Variants in ERC2 observed in about 807,000 individuals in gnomAD.
ERC2 encodes ERC protein 2.
A neutral mutation model predicts 114.8 loss-of-function variants in ERC2; 42 were observed. The observed-to-expected ratio is 0.37, with a 90% CI of 0.29 to 0.47. The LOEUF (loss-of-function observed/expected upper bound fraction) is 0.47, where lower values mean the gene tolerates loss of function less well. Among genes scored for constraint, ERC2 ranks in the 20% least tolerant of loss-of-function variants. ERC2 has a pLI of 0.99. For synonymous variants in ERC2, 454 were observed against 425.5 expected, an observed-to-expected ratio of 1.07 and a Z score of -0.82; for missense variants, 939 against 1,150.7, an observed-to-expected ratio of 0.82 and a Z score of 2.66.
chr3:55,814,308 G>A (rs923175474), intron 14 of ERC2, among the ~76,000 whole-genome samples: 4 of 152,024 alleles, frequency 2.6e-5, no homozygotes, highest in Admixed American at 6.6e-5. Context: ...AATCCTATAC[G>A]ATACACAAAG....
At chr3:55,984,769 A>G (rs572681247) in intron 12 of ERC2, among the ~76,000 whole-genome samples, 1 of 152,292 alleles carries the variant, frequency 6.6e-6, no homozygotes, top group Non-Finnish European at 1.5e-5. Flanking sequence ...CTGCACCGCG[A>G]TGAAGTTCAG....
intron 11 of ERC2, 48 bp downstream of exon 11, chr3:55,992,009 A>G (rs781590851): frequency 1.9e-6 from 3 of 1,553,758 alleles, no homozygotes; most frequent in Non-Finnish European, 1.8e-6. Flanking sequence ...GCAACCACGC[A>G]GTCCATGTTC....
intron 17 of ERC2, among the ~76,000 whole-genome samples, chr3:55,639,789 C>T (rs751337456): frequency 3.9e-5 from 6 of 152,136 alleles, no homozygotes; most frequent in East Asian, 3.9e-4. Context: ...TGTGGGCACA[C>T]GCACATGTGC....
chr3:55,979,796 A>G (rs1037411768), intron 12 of ERC2, among the ~76,000 whole-genome samples: 1 of 151,882 alleles, frequency 6.6e-6, no homozygotes, highest in African/African-American at 2.4e-5. Flanking sequence ...AAAAAATTCA[A>G]TTAGCTGTGC....
chr3:56,136,446 T>C (rs1481059188), intron 6 of ERC2, among the ~76,000 whole-genome samples: 1 of 152,112 alleles, frequency 6.6e-6, no homozygotes, highest in Non-Finnish European at 1.5e-5. Context: ...CCTTTTATTT[T>C]AGGTTCACGG....
chr3:56,208,009 G>T (rs552314536), intron 3 of ERC2, among the ~76,000 whole-genome samples: 1 of 152,170 alleles, frequency 6.6e-6, no homozygotes, highest in African/African-American at 2.4e-5. Context: ...TGTGTTAAGC[G>T]TAAACTGCTT....
At chr3:55,827,337 AGG>A (rs1319981485) in intron 14 of ERC2, among the ~76,000 whole-genome samples, 1 of 151,922 alleles carries the variant, frequency 6.6e-6, no homozygotes, top group Non-Finnish European at 1.5e-5. Context: ...AAAAAGAAAG[AGG>A]GACGGAGGAG....
chr3:56,121,393 A>G (rs7625422), intron 6 of ERC2, among the ~76,000 whole-genome samples: 26,881 of 152,196 alleles, frequency 0.18, 2,939 homozygotes, highest in African/African-American at 0.3. Flanking sequence ...ACACTCCTGG[A>G]TTTTCAGCAA....
At chr3:56,346,930 T>C (rs567785198) in intron 2 of ERC2, among the ~76,000 whole-genome samples, 9 of 152,264 alleles carry the variant, frequency 5.9e-5, no homozygotes, top group South Asian at 2.1e-4. Flanking sequence ...CATTAATCCA[T>C]TCATAAGGGA....
At chr3:55,721,152 G>C (rs1325316624) in intron 15 of ERC2, among the ~76,000 whole-genome samples, 1 of 152,218 alleles carries the variant, frequency 6.6e-6, no homozygotes, top group Admixed American at 6.5e-5. Flanking sequence ...AATGGGCAGA[G>C]TGCTGCCTTT....
At chr3:56,332,696 C>T (rs548068571) in intron 2 of ERC2, among the ~76,000 whole-genome samples, 5 of 152,330 alleles carry the variant, frequency 3.3e-5, no homozygotes, top group African/African-American at 1.2e-4. Context: ...ATGAGCGAAT[C>T]TGTTTAGGTT....
chr3:56,042,194 T>C (rs1306341791), intron 7 of ERC2, among the ~76,000 whole-genome samples: 1 of 152,182 alleles, frequency 6.6e-6, no homozygotes, highest in Non-Finnish European at 1.5e-5. Context: ...AGAACTAGTT[T>C]CTAACTGGGG....
At chr3:55,975,441 C>A (rs936036478) in intron 12 of ERC2, among the ~76,000 whole-genome samples, 33 of 151,850 alleles carry the variant, frequency 2.2e-4, no homozygotes, top group African/African-American at 8.0e-4. Context: ...TTATTTGTTT[C>A]TTCTGTCTTG....
intron 4 of ERC2, among the ~76,000 whole-genome samples, chr3:56,170,071 A>G (rs2082551676): frequency 6.6e-6 from 1 of 152,250 alleles, no homozygotes; most frequent in Admixed American, 6.5e-5. Context: ...CAATATCTAC[A>G]AGAAACTAAT....
chr3:55,511,306 G>A (rs1278504234), intron 17 of ERC2, 30 bp from the exon 18 acceptor site: 1 of 152,564 alleles, frequency 6.6e-6, no homozygotes, highest in Non-Finnish European at 1.5e-5. Flanking sequence ...AATTTAGCAG[G>A]GGAAGAAACT....
At chr3:55,895,688 C>T (rs1030380126) in intron 13 of ERC2, among the ~76,000 whole-genome samples, 29 of 152,168 alleles carry the variant, frequency 1.9e-4, no homozygotes, top group Admixed American at 9.8e-4. Flanking sequence ...CACCAGTATC[C>T]ACACTCAATA....
chr3:55,909,945 T>A (rs1204611676), intron 13 of ERC2, among the ~76,000 whole-genome samples: 2 of 152,212 alleles, frequency 1.3e-5, no homozygotes, highest in East Asian at 3.8e-4. Context: ...AAGGCCTCAT[T>A]TGTTTGAGGA....
Position 56,162,880 on chromosome 3 carries a change from G to GC in ERC2, c.1149+10565_1149+10566insG, listed in dbSNP as rs1553857665. On this transcript the variant is annotated intron_variant, in intron 4 of 17. Coordinates refer to ENST00000288221, the MANE Select transcript of ERC2 (RefSeq NM_015576.3). Reference sequence around the variant, plus strand: ...TCTCAATTGTGTTCAGTTCTGCTCTGTTTTTTTTATTTCTTTTCTCTGCTA... The same window carrying GC: ...TCTCAATTGTGTTCAGTTCTGCTCTGCTTTTTTTTATTTCTTTTCTCTGCTA... Among the ~76,000 whole-genome samples the GC allele has an allele frequency of 1.1e-4, 17 of 151,640 alleles. 1 individual carries two copies. The highest frequency in any genetic ancestry group is 1.1e-3 in the Admixed American group (17 of 15,206).
intron 6 of ERC2, among the ~76,000 whole-genome samples, chr3:56,120,355 G>T (rs562105143): frequency 1.3e-5 from 2 of 152,314 alleles, no homozygotes; most frequent in Admixed American, 1.3e-4. Flanking sequence ...GGATTTTATG[G>T]AGATTCAGTG....
Sources: allele counts gnomAD v4.1 joint callset (sites outside exome capture counted in the v4.1 genomes callset), GRCh38; gene constraint gnomAD v4.1.1; transcripts MANE v1.5; gene names NCBI Gene and HGNC (gene_info 2026-07-23, HGNC 2026-07-21).